CCNI: variants seen among roughly 807,000 people sequenced by gnomAD.
The protein encoded by CCNI is cyclin-I.
In CCNI, 14 loss-of-function variants were observed where a neutral mutation model predicts 34.1. That is an observed-to-expected ratio of 0.41 (90% CI 0.27 to 0.64). The LOEUF (loss-of-function observed/expected upper bound fraction) is 0.64. Among genes scored for constraint, CCNI ranks in the 30% least tolerant of loss-of-function variants. The pLI, the probability that CCNI is intolerant of heterozygous loss-of-function variation, is 0.31. For missense variants in CCNI, 385 were observed against 440.5 expected (o/e 0.87, Z 1.13); for synonymous variants, 154 against 158.4 (o/e 0.97, Z 0.21).
chr4:77,065,211 T>C (rs1056726433), intron 2 of CCNI: 1 of 152,230 alleles, frequency 6.6e-6, no homozygotes, highest in Non-Finnish European at 1.5e-5. Context: ...AAGGCATATA[T>C]ACTTTCAAAA....
At chr4:77,072,452 C>CCAAA (rs1181982801) in intron 1 of CCNI, among the ~76,000 whole-genome samples, 1 of 62,244 alleles carries the variant, frequency 1.6e-5, no homozygotes, top group African/African-American at 6.1e-5. Flanking sequence ...CTGTCTCCAC[C>CCAAA]AAAAAAAAAA....
chr4:77,049,211 C>T (rs1025236358), intron 6 of CCNI, among the ~76,000 whole-genome samples: 6 of 151,948 alleles, frequency 3.9e-5, no homozygotes, highest in Admixed American at 2.6e-4. Flanking sequence ...AAATAGTAGA[C>T]TTAGCACTAA....
chr4:77,054,336 ACAAAT>A (rs1347294986), intron 6 of CCNI, among the ~76,000 whole-genome samples: 3 of 152,216 alleles, frequency 2.0e-5, no homozygotes, highest in African/African-American at 7.2e-5. Context: ...ATCCAATAAA[ACAAAT>A]CAGAATAACT....
intron 2 of CCNI, 46 bp from the exon 3 acceptor site, chr4:77,058,681 C>T: frequency 6.4e-7 from 1 of 1,558,710 alleles, no homozygotes; most frequent in Non-Finnish European, 8.8e-7. Context: ...TTTGAGCTAT[C>T]ATCAAGAGTA....
intron 1 of CCNI, among the ~76,000 whole-genome samples, chr4:77,068,416 C>G (rs1331270414): frequency 6.6e-6 from 1 of 152,114 alleles, no homozygotes; most frequent in South Asian, 2.1e-4. Flanking sequence ...ATAAAAGCCA[C>G]GTCTTTACAT....
intron 1 of CCNI, among the ~76,000 whole-genome samples, chr4:77,069,540 T>C (rs1045675877): frequency 1.3e-5 from 2 of 151,074 alleles, no homozygotes; most frequent in African/African-American, 4.9e-5. Flanking sequence ...GCTGCACCCA[T>C]TAACTCATCA....
chr4:77,061,382 G>A (rs1239200512), intron 2 of CCNI, among the ~76,000 whole-genome samples: 1 of 152,136 alleles, frequency 6.6e-6, no homozygotes, highest in Non-Finnish European at 1.5e-5. Flanking sequence ...ATTCCATCAG[G>A]TGAACTGTTT....
At chr4:77,073,150 A>G (rs1729613162) in intron 1 of CCNI, among the ~76,000 whole-genome samples, 1 of 152,234 alleles carries the variant, frequency 6.6e-6, no homozygotes, top group South Asian at 2.1e-4. Context: ...TAGAAAAGCA[A>G]GAAATAACAA....
chr4:77,070,143 G>C (rs1008470325), intron 1 of CCNI, among the ~76,000 whole-genome samples: 1 of 150,882 alleles, frequency 6.6e-6, no homozygotes, highest in Non-Finnish European at 1.5e-5. Flanking sequence ...TTAGCCTCCT[G>C]AGTAGCTGGG....
intron 6 of CCNI, among the ~76,000 whole-genome samples, chr4:77,050,317 T>G (rs886918327): frequency 2.0e-5 from 3 of 152,172 alleles, no homozygotes; most frequent in Non-Finnish European, 4.4e-5. Flanking sequence ...TTACTTATCC[T>G]CATATAACCT....
rs753438219 is a variant in CCNI at position 77,075,484 on chromosome 4, T to TTCC, written c.-59_-57dup. ...CCCCGCCCCTCACCTTCTCCTCCTC[T>TTCC]TCCTCCTCCTCCTCCTCCCCGGCAG... is the stretch of plus-strand genomic sequence containing the variant. On this transcript the variant is annotated 5_prime_UTR_variant, in exon 1 of 7. Coordinates refer to ENST00000237654, the MANE Select transcript of CCNI (RefSeq NM_006835.3). The TTCC allele has an allele frequency of 2.2e-4, 158 of 733,784 alleles. No homozygotes were observed. Among genetic ancestry groups the TTCC allele is most frequent in the African/African-American group, 1.7e-3 (89 of 51,292 alleles). 45.5% of individuals were successfully genotyped at this position (733,784 alleles called of 1,614,324 possible). A position where few individuals can be genotyped will look rare whatever the true frequency, so the allele number is the denominator to read the frequency against.
intron 1 of CCNI, among the ~76,000 whole-genome samples, chr4:77,070,474 CTTTTT>C (rs543086530): frequency 3.4e-5 from 4 of 119,166 alleles, no homozygotes; most frequent in Middle Eastern, 4.0e-3. Flanking sequence ...TGGGTACTTT[CTTTTT>C]TTTTTTTTTT....
At chr4:77,072,768 AGAT>A (rs1296488403) in intron 1 of CCNI, among the ~76,000 whole-genome samples, 1 of 152,172 alleles carries the variant, frequency 6.6e-6, no homozygotes, top group Non-Finnish European at 1.5e-5. Flanking sequence ...TTGGGACGGT[AGAT>A]TACACAAGTC....
At chr4:77,064,585 G>GCACACACACACACACACACA (rs71214329) in intron 2 of CCNI, 1 of 143,034 alleles carries the variant, frequency 7.0e-6, no homozygotes, top group Non-Finnish European at 1.5e-5. Context: ...GCGCGCGCGC[G>GCACACACACACACACACACA]CACACACACA....
At chr4:77,070,087 G>A (rs1386309308) in intron 1 of CCNI, among the ~76,000 whole-genome samples, 6 of 146,662 alleles carry the variant, frequency 4.1e-5, no homozygotes, top group Non-Finnish European at 5.9e-5. Flanking sequence ...GCACGATCTC[G>A]GCTCACTGCA....
At chr4:77,067,592 G>A (rs1729125723) in intron 1 of CCNI, among the ~76,000 whole-genome samples, 1 of 151,768 alleles carries the variant, frequency 6.6e-6, no homozygotes, top group Non-Finnish European at 1.5e-5. Context: ...CTGGGTTCAG[G>A]TGATCCTCCT....
intron 5 of CCNI, among the ~76,000 whole-genome samples, chr4:77,055,643 T>A (rs549328986): frequency 6.6e-6 from 1 of 152,068 alleles, no homozygotes; most frequent in South Asian, 2.1e-4. Context: ...ATTTTTGTAT[T>A]TTTAGTAGAG....
chr4:77,073,874 T>C (rs1157436683), intron 1 of CCNI, among the ~76,000 whole-genome samples: 1 of 152,246 alleles, frequency 6.6e-6, no homozygotes, highest in African/African-American at 2.4e-5. Flanking sequence ...ATAGCTTCAC[T>C]TGTAAACAGC....
chr4:77,060,604 A>G (rs559910922), intron 2 of CCNI, among the ~76,000 whole-genome samples: 1 of 149,942 alleles, frequency 6.7e-6, no homozygotes, highest in South Asian at 2.1e-4. Context: ...GACCAGAGGT[A>G]CGTGCCACCA....
Sources: allele counts gnomAD v4.1 joint callset (sites outside exome capture counted in the v4.1 genomes callset), GRCh38; gene constraint gnomAD v4.1.1; transcripts MANE v1.5; gene names NCBI Gene and HGNC (gene_info 2026-07-23, HGNC 2026-07-21).